The following GYS2 variants were observed in gnomAD, a reference collection of about 807,000 sequenced individuals.
GYS2 encodes the protein glycogen [starch] synthase, liver.
In GYS2, 80 loss-of-function variants were observed where a neutral mutation model predicts 85.6. That is an observed-to-expected ratio of 0.93 (90% CI 0.78 to 1.13). GYS2 has a LOEUF of 1.13. Ranked by LOEUF, GYS2 falls within the 50% of genes most tolerant of loss-of-function variation. GYS2 has a pLI of 0.00. For synonymous variants in GYS2, 328 were observed against 300.7 expected (o/e 1.09, Z -0.94); for missense variants, 881 against 854.9 (o/e 1.03, Z -0.38).
In GYS2 at chr12:21,546,344, C is replaced by G. The variant is rs199936257; in HGVS notation, c.1549G>C (p.Ala517Pro). The change falls in exon 12 of 16, where the codon GCT becomes CCT. Residue 517 changes from alanine (A) to proline (P), a missense_variant and splice_region_variant. By Grantham distance (27) the Ala-to-Pro change is conservative. Transcript: ENST00000261195. ...SYYEPWGYTP[A>P]ECTVMGIPSV... is the part of the protein sequence containing the mutation. The stretch of plus-strand genomic sequence containing the variant: ...TCCACACTCTATACATGACACATAC[C>G]TGGAGTATAACCCCAGGGTTCATAG... 1.6e-5 allele frequency: 26 copies of G among 1,598,764 alleles called. No homozygotes were observed. Among genetic ancestry groups the G allele is most frequent in the Non-Finnish European group, 4.3e-6 (5 of 1,166,962 alleles).
chr12:21,537,306 T>C lies in GYS2; in HGVS notation c.1891-131A>G, dbSNP rs1943921555. The C allele has an allele frequency of 8.6e-6, 6 of 701,404 alleles. No individual in the cohort carries two copies. In the South Asian group the frequency reaches 9.7e-5, roughly 11 times the overall value. The allele number at this position is 701,404 out of a possible 1,614,324, so 43.4% of individuals were successfully genotyped here. On this transcript the variant is annotated intron_variant, in intron 15 of 15. Coordinates refer to ENST00000261195, the MANE Select transcript of GYS2 (RefSeq NM_021957.4). Reference sequence around the variant, plus strand: ...TTGTAGTCTGGGTGCTATTAAACTTTGATTCATTTTGATTTTGATACCACC... The same window carrying C: ...TTGTAGTCTGGGTGCTATTAAACTTCGATTCATTTTGATTTTGATACCACC...
chr12:21,546,185 T>C (rs1262404370), intron 12 of GYS2, among the ~76,000 whole-genome samples, 159 bp downstream of exon 12: 1 of 152,158 alleles, frequency 6.6e-6, no homozygotes, highest in African/African-American at 2.4e-5. Flanking sequence ...CTACAAATCA[T>C]AAATTAATCC....
intron 1 of GYS2, among the ~76,000 whole-genome samples, chr12:21,591,005 T>C (rs1336900757): frequency 5.3e-5 from 8 of 151,832 alleles, no homozygotes; most frequent in Non-Finnish European, 8.8e-5. Context: ...CAAAAACAAA[T>C]TTACAAAACT....
intron 1 of GYS2, among the ~76,000 whole-genome samples, chr12:21,600,078 T>C (rs1349402306): frequency 1.3e-5 from 2 of 152,130 alleles, no homozygotes; most frequent in South Asian, 2.1e-4. Flanking sequence ...GACAGCAAGA[T>C]AGTAAGTAAA....
intron 1 of GYS2, among the ~76,000 whole-genome samples, chr12:21,593,064 C>T (rs1446856417): frequency 6.6e-6 from 1 of 151,776 alleles, no homozygotes; most frequent in South Asian, 2.1e-4. Flanking sequence ...AGAAGGAAAT[C>T]AAAAATTTTT....
intron 1 of GYS2, among the ~76,000 whole-genome samples, chr12:21,583,967 G>T (rs928641124): frequency 3.3e-5 from 5 of 152,194 alleles, no homozygotes; most frequent in Non-Finnish European, 7.3e-5. Flanking sequence ...AGACTGCACC[G>T]ATGGTCTCAT....
At chr12:21,552,244 A>T (rs1944120916) in intron 11 of GYS2, among the ~76,000 whole-genome samples, 1 of 152,232 alleles carries the variant, frequency 6.6e-6, no homozygotes, top group African/African-American at 2.4e-5. Flanking sequence ...GTAAGGTCTC[A>T]GGAAGTTAGT....
At chr12:21,575,319 C>A (rs966521205) in intron 3 of GYS2, among the ~76,000 whole-genome samples, 3 of 152,106 alleles carry the variant, frequency 2.0e-5, no homozygotes, top group Non-Finnish European at 4.4e-5. Context: ...TACAAAGAGA[C>A]AACTTATTTT....
intron 1 of GYS2, among the ~76,000 whole-genome samples, chr12:21,599,805 A>G (rs1023139566): frequency 1.3e-5 from 2 of 152,202 alleles, no homozygotes; most frequent in Non-Finnish European, 2.9e-5. Context: ...GAAAGCTGGT[A>G]TGACAATACA....
At chr12:21,590,225 G>A (rs1036879293) in intron 1 of GYS2, among the ~76,000 whole-genome samples, 95 of 152,126 alleles carry the variant, frequency 6.2e-4, no homozygotes, top group African/African-American at 2.1e-3. Flanking sequence ...TTCTGCTGGG[G>A]GCCTGAGGAT....
chr12:21,538,504 C>T (rs1021719101), intron 15 of GYS2, among the ~76,000 whole-genome samples: 3 of 152,110 alleles, frequency 2.0e-5, no homozygotes, highest in Admixed American at 1.3e-4. Flanking sequence ...AGCTGGTTTG[C>T]GGAGATTTAC....
intron 1 of GYS2, 106 bp from the exon 2 acceptor site, chr12:21,580,629 C>T: frequency 1.2e-6 from 1 of 851,442 alleles, no homozygotes; most frequent in South Asian, 1.3e-5. Context: ...TTAGGATCCA[C>T]TAAGCCCAAG....
rs140869211 is a variant in GYS2 at position 21,595,458 on chromosome 12, C to T, written c.121+9014G>A. 5.2e-3 allele frequency among the ~76,000 whole-genome samples: 796 copies of T among 152,268 alleles called. 4 individuals are homozygous for T. The highest frequency in any genetic ancestry group is 0.018 in the African/African-American group (763 of 41,530). On this transcript the variant is annotated intron_variant, in intron 1 of 15. Transcript: ENST00000261195. ...CTGACCTTACCTGGAGTTGAGTTAA[C>T]TTAGAGAGCTGAGCAAAATACAGGT...
chr12:21,578,473 G>A (rs1354507055), intron 2 of GYS2, among the ~76,000 whole-genome samples: 1 of 152,178 alleles, frequency 6.6e-6, no homozygotes, highest in African/African-American at 2.4e-5. Context: ...CCTGGACAAA[G>A]TCACAGCCGT....
Position 21,539,106 on chromosome 12 carries a change from A to G in GYS2, c.1890+152T>C, listed in dbSNP as rs1943942829. 6.4e-6 allele frequency: 4 copies of G among 624,962 alleles called. No individual in the cohort carries two copies. In the South Asian group the frequency reaches 7.9e-5, roughly 12 times the overall value. The allele number at this position is 624,962 out of a possible 1,614,324, so 38.7% of individuals were successfully genotyped here. A position where few individuals can be genotyped will look rare whatever the true frequency, so the allele number is the denominator to read the frequency against. On this transcript the variant is annotated intron_variant, in intron 15 of 15. Coordinates refer to ENST00000261195, the MANE Select transcript of GYS2 (RefSeq NM_021957.4). ...GTCTTGAGAGCTTTAGGACAGTCTGATTTGTGAGTTCCTCTCTCTCTCCTT... is the reference window on the plus strand; with the variant it reads ...GTCTTGAGAGCTTTAGGACAGTCTGGTTTGTGAGTTCCTCTCTCTCTCCTT...
intron 4 of GYS2, among the ~76,000 whole-genome samples, chr12:21,573,015 C>G (rs917486674): frequency 6.6e-6 from 1 of 152,144 alleles, no homozygotes; most frequent in East Asian, 1.9e-4. Context: ...GATCCCCAGG[C>G]TTTCTGAATT....
chr12:21,564,066 C>G (rs1450189404), intron 5 of GYS2, among the ~76,000 whole-genome samples: 1 of 151,962 alleles, frequency 6.6e-6, no homozygotes, highest in Non-Finnish European at 1.5e-5. Flanking sequence ...TGGTCTGTGA[C>G]AAGAAAGAGA....
intron 12 of GYS2, among the ~76,000 whole-genome samples, chr12:21,545,197 C>T (rs994388905): frequency 7.9e-5 from 12 of 152,208 alleles, no homozygotes; most frequent in Admixed American, 5.9e-4. Context: ...AATCCCACCA[C>T]TTTGGGGAGC....
intron 4 of GYS2, 66 bp from the exon 5 acceptor site, chr12:21,569,075 T>C: frequency 6.6e-7 from 1 of 1,518,972 alleles, no homozygotes; most frequent in Non-Finnish European, 9.1e-7. Flanking sequence ...CTAAACAAAA[T>C]CACACATTTC....
Sources: gnomAD v4.1 joint callset for allele counts (sites outside exome capture counted in the v4.1 genomes callset) on GRCh38, gnomAD v4.1.1 for gene constraint, MANE v1.5 for transcripts, NCBI Gene and HGNC (gene_info 2026-07-23, HGNC 2026-07-21) for gene names.